The following RALYL variants were observed in gnomAD, a reference collection of about 807,000 sequenced individuals.
RALYL encodes RALY RNA binding protein like.
RALYL carries 29 observed loss-of-function variants against 35.1 expected under a neutral mutation model. The ratio of observed to expected loss-of-function variants is 0.83; its 90% CI spans 0.61 to 1.13. RALYL has a LOEUF of 1.13. Ranked by LOEUF, RALYL falls within the 50% of genes most tolerant of loss-of-function variation. The probability of loss-of-function intolerance (pLI) is 0.00; values close to 1 mark genes in which losing one functional copy is unlikely to be tolerated. For synonymous variants in RALYL, 120 were observed against 127.6 expected (o/e 0.94, Z 0.40); for missense variants, 359 against 360.4 (o/e 1.00, Z 0.03).
intron 1 of RALYL, among the ~76,000 whole-genome samples, chr8:84,209,140 AAAAAG>A (rs1563535255): frequency 1.3e-5 from 2 of 150,998 alleles, no homozygotes; most frequent in East Asian, 1.9e-4. Context: ...AAAAAAAAAA[AAAAAG>A]AAAAGAAAAG....
intron 1 of RALYL, among the ~76,000 whole-genome samples, chr8:84,392,838 C>T (rs73300762): frequency 0.028 from 4,295 of 151,976 alleles, 196 homozygotes; most frequent in African/African-American, 0.098. Context: ...TATCTTTTAT[C>T]CTGATAAAAC....
At chr8:84,727,154 C>T (rs921818494) in intron 2 of RALYL, among the ~76,000 whole-genome samples, 5 of 152,068 alleles carry the variant, frequency 3.3e-5, no homozygotes, top group Non-Finnish European at 7.4e-5. Context: ...AAATACACAT[C>T]GGATTTGGAA....
intron 2 of RALYL, among the ~76,000 whole-genome samples, chr8:84,540,923 A>T (rs192869721): frequency 6.6e-6 from 1 of 152,156 alleles, no homozygotes; most frequent in African/African-American, 2.4e-5. Context: ...CATTTGATAC[A>T]CATTATCAAA....
chr8:84,840,398 G>A (rs1359510798), intron 4 of RALYL, among the ~76,000 whole-genome samples: 1 of 152,172 alleles, frequency 6.6e-6, no homozygotes, highest in Admixed American at 6.6e-5. Flanking sequence ...ATGAAATGAA[G>A]TGAGAAGAGA....
At chr8:84,251,272 T>C (rs1457571685) in intron 1 of RALYL, among the ~76,000 whole-genome samples, 1 of 152,106 alleles carries the variant, frequency 6.6e-6, no homozygotes, top group Non-Finnish European at 1.5e-5. Flanking sequence ...ACTCAGAAAT[T>C]CTGCTGTCCA....
chr8:84,337,632 A>G (rs1485763474), intron 1 of RALYL, among the ~76,000 whole-genome samples: 3 of 152,246 alleles, frequency 2.0e-5, no homozygotes, highest in Non-Finnish European at 4.4e-5. Context: ...TTATTCATAT[A>G]AAATGGTTTC....
chr8:84,556,235 T>C (rs1272495938), intron 2 of RALYL, among the ~76,000 whole-genome samples: 1 of 152,228 alleles, frequency 6.6e-6, no homozygotes, highest in Non-Finnish European at 1.5e-5. Flanking sequence ...GTGGAGATGA[T>C]GGATGAGGGT....
At chr8:84,586,332 C>T (rs1411133853) in intron 2 of RALYL, among the ~76,000 whole-genome samples, 1 of 152,140 alleles carries the variant, frequency 6.6e-6, no homozygotes, top group South Asian at 2.1e-4. Flanking sequence ...TATTTGGTTT[C>T]AATTTTCATG....
In RALYL at chr8:84,856,768, C is replaced by T. The variant is rs147934928; in HGVS notation, c.414-5528C>T. On this transcript the variant is annotated intron_variant, in intron 5 of 8. Coordinates refer to ENST00000521268, the MANE Select transcript of RALYL (RefSeq NM_173848.7). ...TGTGGGCCGGGCGCGGTGGCTCACGCCTGTAATCCCAGCACTTTGGGAGGC... is the reference window on the plus strand; with the variant it reads ...TGTGGGCCGGGCGCGGTGGCTCACGTCTGTAATCCCAGCACTTTGGGAGGC... Among the ~76,000 whole-genome samples the T allele has an allele frequency of 2.3e-3, 353 of 152,022 alleles. 9 individuals are homozygous for T. In the East Asian group the frequency reaches 0.058, roughly 25 times the overall value.
chr8:84,397,984 A>G (rs1299163505), intron 1 of RALYL, among the ~76,000 whole-genome samples: 3 of 152,196 alleles, frequency 2.0e-5, no homozygotes, highest in Non-Finnish European at 4.4e-5. Flanking sequence ...ATTATTCAAG[A>G]CAAATTTCAC....
intron 3 of RALYL, among the ~76,000 whole-genome samples, chr8:84,786,276 C>A (rs1819430472): frequency 6.6e-6 from 1 of 152,068 alleles, no homozygotes; most frequent in South Asian, 2.1e-4. Context: ...GTGAATGGTG[C>A]TGCAATGAAC....
At chr8:84,815,743 A>G (rs1827093166) in intron 4 of RALYL, among the ~76,000 whole-genome samples, 1 of 152,102 alleles carries the variant, frequency 6.6e-6, no homozygotes. Context: ...TTGCATTTAG[A>G]AAGGTGAATA....
At chr8:84,796,312 G>A (rs2133912275) in intron 3 of RALYL, among the ~76,000 whole-genome samples, 1 of 152,296 alleles carries the variant, frequency 6.6e-6, no homozygotes, top group Admixed American at 6.5e-5. Context: ...GCCTGGGATT[G>A]TTTTGTTTAG....
chr8:84,686,933 T>C (rs1357867513), intron 2 of RALYL, among the ~76,000 whole-genome samples: 1 of 152,182 alleles, frequency 6.6e-6, no homozygotes, highest in Admixed American at 6.6e-5. Context: ...TCAAATACTT[T>C]CACTCTAACT....
At position 84,854,645 on chromosome 8, in the gene RALYL, C is replaced by T. The variant is rs192761883; in HGVS notation, c.413+4618C>T. Reference sequence around the variant, plus strand: ...ATGAAAACAGAAATTACACTACTTACGTATAACAGGGCTAATTGCATATAG... The same window carrying T: ...ATGAAAACAGAAATTACACTACTTATGTATAACAGGGCTAATTGCATATAG... On this transcript the variant is annotated intron_variant, in intron 5 of 8. Coordinates refer to ENST00000521268, the MANE Select transcript of RALYL (RefSeq NM_173848.7). Among the ~76,000 whole-genome samples the T allele has an allele frequency of 7.8e-4, 119 of 152,272 alleles. 2 individuals carry two copies. The highest frequency in any genetic ancestry group is 1.3e-3 in the Non-Finnish European group (89 of 68,020).
Position 84,190,213 on chromosome 8 carries a change from G to A in RALYL, c.-24+5789G>A, listed in dbSNP as rs144329706. 6.6e-4 allele frequency among the ~76,000 whole-genome samples: 100 copies of A among 152,272 alleles called. No individual in the cohort carries two copies. In the East Asian group the frequency reaches 0.017, roughly 26 times the overall value. ...CTCTGTAAATATAGGTGTCTTGTCTGTCTACCAACATCTCACCATCAACAT... is the reference window on the plus strand; with the variant it reads ...CTCTGTAAATATAGGTGTCTTGTCTATCTACCAACATCTCACCATCAACAT... On this transcript the variant is annotated intron_variant, in intron 1 of 8. Transcript: ENST00000521268.
At chr8:84,886,660 C>T (rs1842958131) in intron 7 of RALYL, among the ~76,000 whole-genome samples, 1 of 152,100 alleles carries the variant, frequency 6.6e-6, no homozygotes, top group Non-Finnish European at 1.5e-5. Context: ...TTTGTATTAT[C>T]ATAGGGGATG....
chr8:84,361,638 G>A (rs528689404), intron 1 of RALYL, among the ~76,000 whole-genome samples: 2 of 152,290 alleles, frequency 1.3e-5, no homozygotes, highest in South Asian at 4.1e-4. Context: ...AAAATGGAAA[G>A]CAGAAGCAGG....
chr8:84,471,690 T>A (rs1022154664), intron 1 of RALYL, among the ~76,000 whole-genome samples: 2 of 152,248 alleles, frequency 1.3e-5, no homozygotes, highest in African/African-American at 4.8e-5. Context: ...CTTCATTAGA[T>A]AGATGCAGCA....
Sources: gnomAD v4.1 joint callset for allele counts (sites outside exome capture counted in the v4.1 genomes callset) on GRCh38, gnomAD v4.1.1 for gene constraint, MANE v1.5 for transcripts, NCBI Gene and HGNC (gene_info 2026-07-23, HGNC 2026-07-21) for gene names.